The following KCTD20 variants were observed in gnomAD, a reference collection of about 807,000 sequenced individuals.
KCTD20 encodes BTB/POZ domain-containing protein KCTD20.
KCTD20 carries 30 observed loss-of-function variants against 39.6 expected under a neutral mutation model. That is an observed-to-expected ratio of 0.76 (90% CI 0.57 to 1.03). The LOEUF is 1.03. KCTD20 is among the 50% of genes least tolerant of loss of function. KCTD20 has a pLI of 0.00. For synonymous variants in KCTD20, 162 were observed against 180.6 expected (o/e 0.90, Z 0.83); for missense variants, 422 against 522.0 (o/e 0.81, Z 1.87).
At chr6:36,451,411 A>G (rs1307820990) in intron 1 of KCTD20, 1 of 152,220 alleles carries the variant, frequency 6.6e-6, no homozygotes, top group Non-Finnish European at 1.5e-5. Context: ...AATCTTTTCC[A>G]TCTTTTTTCT....
intron 1 of KCTD20, among the ~76,000 whole-genome samples, chr6:36,449,955 G>A (rs1775190148): frequency 6.6e-6 from 1 of 151,942 alleles, no homozygotes; most frequent in Admixed American, 6.6e-5. Context: ...ACAAGGTCAG[G>A]AGATCGAGAC....
intron 7 of KCTD20, 110 bp downstream of exon 7, chr6:36,484,934 C>A: frequency 1.6e-6 from 1 of 614,216 alleles, no homozygotes; most frequent in Non-Finnish European, 3.0e-6. Context: ...TACATGAAAA[C>A]CACATTCTTA....
chr6:36,446,782 CT>C (rs573775146), intron 1 of KCTD20, among the ~76,000 whole-genome samples: 29 of 152,230 alleles, frequency 1.9e-4, no homozygotes, highest in African/African-American at 7.0e-4. Flanking sequence ...GAAAGAGGGC[CT>C]TTTGATGTTT....
At chr6:36,455,183 G>A (rs982158192) in intron 1 of KCTD20, among the ~76,000 whole-genome samples, 2 of 151,714 alleles carry the variant, frequency 1.3e-5, no homozygotes, top group Admixed American at 6.6e-5. Flanking sequence ...TGAGGTGGGC[G>A]GATCACCTGA....
intron 1 of KCTD20, among the ~76,000 whole-genome samples, chr6:36,461,251 A>G (rs1425894544): frequency 1.3e-5 from 2 of 152,148 alleles, no homozygotes; most frequent in Non-Finnish European, 1.5e-5. Flanking sequence ...AATATTTAGG[A>G]CCTTTTTATG....
chr6:36,448,929 TAA>T (rs891373585), intron 1 of KCTD20, among the ~76,000 whole-genome samples: 4 of 152,024 alleles, frequency 2.6e-5, no homozygotes, highest in African/African-American at 9.7e-5. Context: ...TTACAGCTCT[TAA>T]AGGTGGCGTG....
At chr6:36,486,597 C>T (rs1776430392) in intron 7 of KCTD20, among the ~76,000 whole-genome samples, 1 of 152,136 alleles carries the variant, frequency 6.6e-6, no homozygotes, top group South Asian at 2.1e-4. Context: ...ACAACAGGTT[C>T]CTGAACTGGT....
chr6:36,445,407 T>A (rs1775011765), intron 1 of KCTD20, among the ~76,000 whole-genome samples: 1 of 152,180 alleles, frequency 6.6e-6, no homozygotes, highest in African/African-American at 2.4e-5. Flanking sequence ...TTTCTGTGAC[T>A]TTTTTCCTCT....
At chr6:36,454,772 G>A (rs570021821) in intron 1 of KCTD20, among the ~76,000 whole-genome samples, 2 of 152,012 alleles carry the variant, frequency 1.3e-5, no homozygotes, top group East Asian at 3.9e-4. Flanking sequence ...CAAGTACCTG[G>A]GACTACAGGC....
intron 1 of KCTD20, among the ~76,000 whole-genome samples, chr6:36,461,082 T>C (rs532681455): frequency 6.6e-6 from 1 of 152,324 alleles, no homozygotes; most frequent in East Asian, 1.9e-4. Flanking sequence ...TAAGTCCATC[T>C]GGACTTAGGA....
At position 36,443,010 on chromosome 6, in the gene KCTD20, G is replaced by A. The variant is rs1774913876; in HGVS notation, c.-148G>A. ...TCCGGGGCGGGGGGCGCGCGCCGCT[G>A]CGGCACAGCCGGTCCCGGCTGCGGC... On this transcript the variant is annotated 5_prime_UTR_variant, in exon 1 of 8. Coordinates refer to ENST00000373731, the MANE Select transcript of KCTD20 (RefSeq NM_173562.5). 1 of 151,114 alleles carries A rather than the reference G, an allele frequency of 6.6e-6. No homozygotes were observed. The highest frequency in any genetic ancestry group is 2.4e-5 in the African/African-American group (1 of 41,240). 9.4% of individuals were successfully genotyped at this position (151,114 alleles called of 1,614,324 possible).
intron 6 of KCTD20, among the ~76,000 whole-genome samples, chr6:36,483,603 C>G (rs1361959397): frequency 1.3e-5 from 2 of 152,118 alleles, no homozygotes; most frequent in African/African-American, 4.8e-5. Context: ...CAGCCTCAAA[C>G]TCCTAGTCTT....
chr6:36,461,485 A>C (rs1775597529), intron 1 of KCTD20, among the ~76,000 whole-genome samples: 1 of 152,072 alleles, frequency 6.6e-6, no homozygotes, highest in Non-Finnish European at 1.5e-5. Flanking sequence ...TGGTTCTTTA[A>C]ATCTTTTTAT....
rs1776476828 is a variant in KCTD20 at position 36,487,969 on chromosome 6, G to C, written c.*794G>C. Reference sequence around the variant, plus strand: ...GTTATCCTGGCTTGGAATCTGGTGTGAAACCATAGGTCTTAACACTCTGGA... The same window carrying C: ...GTTATCCTGGCTTGGAATCTGGTGTCAAACCATAGGTCTTAACACTCTGGA... On this transcript the variant is annotated 3_prime_UTR_variant, in exon 8 of 8. Coordinates refer to ENST00000373731, the MANE Select transcript of KCTD20 (RefSeq NM_173562.5). 6.6e-6 allele frequency: 1 copy of C among 152,236 alleles called. No homozygotes were observed. Among genetic ancestry groups the C allele is most frequent in the African/African-American group, 2.4e-5 (1 of 41,464 alleles). 9.4% of individuals were successfully genotyped at this position (152,236 alleles called of 1,614,324 possible).
Position 36,469,045 on chromosome 6 carries a change from C to T in KCTD20, c.-46-1007C>T, listed in dbSNP as rs150689199. 6.6e-6 allele frequency among the ~76,000 whole-genome samples: 1 copy of T among 152,274 alleles called. No individual in the cohort carries two copies. The highest frequency in any genetic ancestry group is 1.5e-5 in the Non-Finnish European group (1 of 68,030). The stretch of plus-strand genomic sequence containing the variant: ...TTTATTTTTTATAGATGTTTATTGG[C>T]ACCTACCACATGCTTGGTATGCCAG... On this transcript the variant is annotated intron_variant, in intron 1 of 7. Transcript: ENST00000373731. This position sits in a 1 kb window ranked among gnomAD's most constrained non-coding sequence, Gnocchi z 4.6.
intron 2 of KCTD20, among the ~76,000 whole-genome samples, 160 bp downstream of exon 2, chr6:36,470,417 C>T (rs1775877039): frequency 6.6e-6 from 1 of 152,138 alleles, no homozygotes; most frequent in Non-Finnish European, 1.5e-5. Context: ...CAGAAACTCT[C>T]CACTTATTTA....
intron 1 of KCTD20, among the ~76,000 whole-genome samples, chr6:36,459,621 C>A (rs1241231402): frequency 1.3e-5 from 2 of 152,094 alleles, no homozygotes; most frequent in Non-Finnish European, 2.9e-5. Flanking sequence ...AACTAGATGA[C>A]CTTTACACTG....
Position 36,470,129 on chromosome 6 carries a change from G to C in KCTD20, c.32G>C (p.Arg11Thr). ...GTTCACCGTGGCAGTGACAGTGACA[G>C]GTTATTGCGGCAGGAGGCCAGCTGC... MNVHRGSDSD[R>T]LLRQEASCLV... Residue 11 changes from arginine (R) to threonine (T), a missense_variant, in exon 2 of 8, where the codon AGG (arginine) becomes ACG (threonine). Transcript: ENST00000373731. 6.2e-7 allele frequency: 1 copy of C among 1,614,024 alleles called. No homozygotes were observed. Among genetic ancestry groups the C allele is most frequent in the African/African-American group, 1.3e-5 (1 of 75,048 alleles).
At chr6:36,479,369 C>G (rs1776166694) in intron 4 of KCTD20, 146 bp downstream of exon 4, 1 of 707,084 alleles carries the variant, frequency 1.4e-6, no homozygotes, top group Non-Finnish European at 2.3e-6. Flanking sequence ...ATTCCTGTAA[C>G]TTTTAAGTCC....
Sources: gnomAD v4.1 joint callset for allele counts (sites outside exome capture counted in the v4.1 genomes callset) on GRCh38, gnomAD v4.1.1 for gene constraint, Gnocchi (gnomAD v3.1) non-coding constraint, MANE v1.5 for transcripts, NCBI Gene and HGNC (gene_info 2026-07-23, HGNC 2026-07-21) for gene names.